The following CPB2 variants were observed in gnomAD, a reference collection of about 807,000 sequenced individuals.
CPB2 encodes carboxypeptidase B2.
A neutral mutation model predicts 57.0 loss-of-function variants in CPB2; 54 were observed. That is an observed-to-expected ratio of 0.95 (90% confidence interval 0.76 to 1.19). The LOEUF is 1.19. CPB2 is among the 50% of genes most tolerant of loss of function. CPB2 has a pLI of 0.00. For synonymous variants in CPB2, 189 were observed against 178.1 expected (o/e 1.06, Z -0.49); for missense variants, 426 against 512.0 (o/e 0.83, Z 1.62).
chr13:46,058,095 A>C (rs2044721037), intron 9 of CPB2, 84 bp downstream of exon 9: 1 of 1,356,024 alleles, frequency 7.4e-7, no homozygotes. Context: ...TAGAGGACAA[A>C]ATTTTTCCCA....
chr13:46,067,767 T>A lies in CPB2; in HGVS notation c.592-350A>T, dbSNP rs538440579. 2.8e-4 allele frequency among the ~76,000 whole-genome samples: 43 copies of A among 152,352 alleles called. 1 individual carries two copies. The highest frequency in any genetic ancestry group is 2.7e-3 in the Admixed American group (41 of 15,306). On this transcript the variant is annotated intron_variant, in intron 6 of 10. Transcript: ENST00000181383. ...TTAGTTTAGCTCCTTTTTCTGTAAT[T>A]CATGTTCATCAGAGCTTAAACTACC...
intron 2 of CPB2, among the ~76,000 whole-genome samples, chr13:46,087,228 A>ACCT (rs1225021728): frequency 6.6e-6 from 1 of 151,524 alleles, no homozygotes. Flanking sequence ...CGGGACTTTT[A>ACCT]CCTCCTCCTG....
intron 1 of CPB2, among the ~76,000 whole-genome samples, chr13:46,090,687 C>A (rs921791342): frequency 2.0e-5 from 3 of 150,356 alleles, no homozygotes; most frequent in Admixed American, 2.0e-4. Flanking sequence ...TAATGCCTTT[C>A]CAAAAGTTTT....
intron 7 of CPB2, 38 bp from the exon 8 acceptor site, chr13:46,064,779 C>T (rs780781700): frequency 1.3e-6 from 2 of 1,539,576 alleles, no homozygotes; most frequent in Non-Finnish European, 9.0e-7. Context: ...CCTGGGTAGC[C>T]ACGTTCAAGG....
intron 4 of CPB2, among the ~76,000 whole-genome samples, chr13:46,079,551 A>AAAAAAAAAAAAAGAAAAG: frequency 8.0e-6 from 1 of 124,706 alleles, no homozygotes; most frequent in East Asian, 2.1e-4. Context: ...AAAAAAAAAA[A>AAAAAAAAAAAAAGAAAAG]AAAAGAAAAG....
chr13:46,065,032 C>T (rs531820793), intron 7 of CPB2, among the ~76,000 whole-genome samples: 2 of 152,288 alleles, frequency 1.3e-5, no homozygotes, highest in East Asian at 3.9e-4. Flanking sequence ...CACTAGGCTG[C>T]TTATTAGCCT....
chr13:46,094,459 C>T (rs556079111), intron 1 of CPB2, among the ~76,000 whole-genome samples: 38 of 152,216 alleles, frequency 2.5e-4, no homozygotes, highest in African/African-American at 8.9e-4. Context: ...TGTGACTACC[C>T]TAGGTTATTG....
At chr13:46,081,747 C>G (rs1351671563) in intron 4 of CPB2, among the ~76,000 whole-genome samples, 2 of 152,126 alleles carry the variant, frequency 1.3e-5, no homozygotes, top group South Asian at 2.1e-4. Flanking sequence ...GGTATTTTTA[C>G]TACTTGGAGA....
chr13:46,073,402 C>G (rs9534309), intron 6 of CPB2: 241,825 of 803,260 alleles, frequency 0.3, 36,606 homozygotes, highest in African/African-American at 0.38. Context: ...TCTTCAGGAA[C>G]AAAATTCCCT....
chr13:46,093,849 C>A (rs549747307), intron 1 of CPB2, among the ~76,000 whole-genome samples: 159 of 152,150 alleles, frequency 1.0e-3, no homozygotes, highest in African/African-American at 3.5e-3. Context: ...AACTAGTATA[C>A]AATTATACCC....
chr13:46,095,575 A>G (rs1239391480), intron 1 of CPB2, among the ~76,000 whole-genome samples: 2 of 152,214 alleles, frequency 1.3e-5, no homozygotes, highest in African/African-American at 2.4e-5. Flanking sequence ...GTATTCAGCT[A>G]TTGCGCTGGA....
At chr13:46,054,559 C>CT (rs933197293) in intron 10 of CPB2, among the ~76,000 whole-genome samples, 2 of 151,956 alleles carry the variant, frequency 1.3e-5, no homozygotes, top group African/African-American at 4.8e-5. Context: ...AATAATCTGA[C>CT]TTTTTTTGGG....
intron 6 of CPB2, among the ~76,000 whole-genome samples, chr13:46,071,352 T>C (rs572529312): frequency 2.6e-5 from 4 of 152,216 alleles, no homozygotes; most frequent in Non-Finnish European, 4.4e-5. Context: ...GTTACATTGC[T>C]AGATGGCTTC....
At chr13:46,104,822 C>G in intron 1 of CPB2, 114 bp downstream of exon 1, 1 of 1,216,898 alleles carries the variant, frequency 8.2e-7, no homozygotes. Flanking sequence ...TCTGAAAGAC[C>G]TGGCCTTCAA....
rs375169347 is a variant in CPB2, at chr13:46,053,761, A to G, written c.1125T>C (p.Asp375=). The G allele has an allele frequency of 1.3e-4, 207 of 1,614,074 alleles. No individual in the cohort carries two copies. Among genetic ancestry groups the G allele is most frequent in the Middle Eastern group, 4.9e-4 (3 of 6,084 alleles). The change falls in exon 11 of 11, where the codon GAT becomes GAC. Residue 375 remains aspartate (D), a synonymous_variant. Transcript: ENST00000181383. ...TTGTAAACGAATATTTGATGCCCAA[A>G]TCATAGATCCAATCGTCCCCACCTC... ...APGGGDDWIY[D]LGIKYSFTIE... is the part of the protein sequence containing the mutation.
chr13:46,082,342 C>T, intron 4 of CPB2, 99 bp downstream of exon 4: 2 of 658,060 alleles, frequency 3.0e-6, no homozygotes, highest in East Asian at 2.9e-5. Flanking sequence ...TATTTTTTAC[C>T]ATCTTCCACC....
At chr13:46,093,559 T>G (rs2045324587) in intron 1 of CPB2, among the ~76,000 whole-genome samples, 2 of 152,172 alleles carry the variant, frequency 1.3e-5, no homozygotes, top group South Asian at 4.1e-4. Flanking sequence ...TTATAACAGT[T>G]AACTTGGGGG....
In CPB2 at chr13:46,104,969, A is replaced by G. The variant is rs774637078; in HGVS notation, c.41T>C (p.Leu14Pro). The G allele has an allele frequency of 6.2e-7, 1 of 1,614,046 alleles. No homozygotes were observed. The highest frequency in any genetic ancestry group is 8.5e-7 in the Non-Finnish European group (1 of 1,179,920). The change falls in exon 1 of 11, where the codon CTC (leucine) becomes CCC (proline). Residue 14 changes from leucine to proline, a missense_variant. Transcript: ENST00000181383. ...CSLAVLVPIV[L>P]FCEQHVFAFQ... ...CGCGAAGACATGCTGCTCACAGAAG[A>G]GAACAATGGGTACAAGGACTGCAAG...
At chr13:46,103,594 G>A (rs959200297) in intron 1 of CPB2, among the ~76,000 whole-genome samples, 2 of 152,210 alleles carry the variant, frequency 1.3e-5, no homozygotes, top group Non-Finnish European at 2.9e-5. Flanking sequence ...TTCCTAGCAT[G>A]TAGGATTTTA....
Sources: allele counts gnomAD v4.1 joint callset (sites outside exome capture counted in the v4.1 genomes callset), GRCh38; gene constraint gnomAD v4.1.1; transcripts MANE v1.5; gene names NCBI Gene and HGNC (gene_info 2026-07-23, HGNC 2026-07-21).